CDC42BPA: variants seen among roughly 807,000 people sequenced by gnomAD.
CDC42BPA encodes CDC42 binding protein kinase alpha.
Under a neutral mutation model 223.5 loss-of-function variants are expected in CDC42BPA, and 80 were observed. The ratio of observed to expected loss-of-function variants is 0.36; its 90% CI spans 0.30 to 0.43. The LOEUF (loss-of-function observed/expected upper bound fraction) is 0.43. CDC42BPA is among the 20% of genes least tolerant of loss of function. CDC42BPA has a pLI of 1.00. For synonymous variants in CDC42BPA, 694 were observed against 718.6 expected, an observed-to-expected ratio of 0.97 and a Z score of 0.55; for missense variants, 1,743 against 2,099.9, an observed-to-expected ratio of 0.83 and a Z score of 3.32.
chr1:227,120,671 T>C (rs1036530593), intron 11 of CDC42BPA, among the ~76,000 whole-genome samples: 10 of 152,190 alleles, frequency 6.6e-5, no homozygotes, highest in African/African-American at 1.4e-4. Flanking sequence ...ATGTAATAAA[T>C]TGATAGGAAA....
chr1:227,299,646 ATT>A (rs1401961893), intron 1 of CDC42BPA, among the ~76,000 whole-genome samples: 6 of 152,052 alleles, frequency 3.9e-5, no homozygotes, highest in Non-Finnish European at 8.8e-5. Context: ...TATTATGTAA[ATT>A]TTTTATGGCT....
At chr1:227,203,562 T>TA (rs879798757) in intron 3 of CDC42BPA, among the ~76,000 whole-genome samples, 143 of 152,002 alleles carry the variant, frequency 9.4e-4, no homozygotes, top group Non-Finnish European at 1.7e-3. Context: ...TTACCTTTTT[T>TA]AAAAAAAACT....
chr1:227,028,648 G>C lies in CDC42BPA; in HGVS notation c.4432+9C>G, dbSNP rs761015108. On this transcript the variant is annotated intron_variant, in intron 30 of 36. Transcript: ENST00000366766. ...AAAGATAAGACAGCCGTAAGAAAGA[G>C]AATCTTACAACAAGAGGAAGGATTT... 6.6e-7 allele frequency: 1 copy of C among 1,507,140 alleles called. No homozygotes were observed. The highest frequency in any genetic ancestry group is 9.0e-7 in the Non-Finnish European group (1 of 1,111,778). 93.4% of individuals were successfully genotyped at this position (1,507,140 alleles called of 1,614,324 possible). A position where few individuals can be genotyped will look rare whatever the true frequency, so the allele number is the denominator to read the frequency against.
intron 16 of CDC42BPA, among the ~76,000 whole-genome samples, chr1:227,082,393 CCTTT>C (rs996951281): frequency 8.6e-5 from 13 of 151,856 alleles, no homozygotes; most frequent in African/African-American, 3.1e-4. Flanking sequence ...CCCTGCAACA[CCTTT>C]ATTTTTCTTT....
At chr1:227,288,417 G>A (rs749452865) in intron 1 of CDC42BPA, among the ~76,000 whole-genome samples, 13 of 151,900 alleles carry the variant, frequency 8.6e-5, no homozygotes, top group African/African-American at 2.4e-4. Flanking sequence ...AAATGATATC[G>A]GCCAGGTGCA....
chr1:227,143,065 T>C (rs1558599691), intron 8 of CDC42BPA, 41 bp from the exon 9 acceptor site: 10 of 1,259,866 alleles, frequency 7.9e-6, no homozygotes, highest in Non-Finnish European at 1.1e-5. Context: ...TAGATAGCTA[T>C]ATGATCTGTA....
rs76464800 is a variant in CDC42BPA at position 227,137,327 on chromosome 1, T to A, written c.1390+2249A>T. Among the ~76,000 whole-genome samples the A allele has an allele frequency of 1.5e-3, 235 of 152,232 alleles. 2 individuals are homozygous for A. The East Asian group carries it at 0.038, about 24-fold the overall frequency. On this transcript the variant is annotated intron_variant, in intron 10 of 36. Transcript: ENST00000366766. ...AATCATGGCAGAACATCACTATACTTCTACCAGAATGGCTACAAGTGAAAA... is the reference window on the plus strand; with the variant it reads ...AATCATGGCAGAACATCACTATACTACTACCAGAATGGCTACAAGTGAAAA...
intron 21 of CDC42BPA, among the ~76,000 whole-genome samples, chr1:227,065,866 A>T (rs951985370): frequency 2.6e-5 from 4 of 152,222 alleles, no homozygotes; most frequent in Admixed American, 2.0e-4. Flanking sequence ...CTGCAATTCT[A>T]GTCAATACTA....
intron 12 of CDC42BPA, among the ~76,000 whole-genome samples, chr1:227,114,991 C>T (rs993714102): frequency 6.6e-6 from 1 of 152,014 alleles, no homozygotes; most frequent in Non-Finnish European, 1.5e-5. Context: ...ATGTCAACAA[C>T]AACAACAACA....
chr1:227,034,904 A>G (rs1430358498), intron 25 of CDC42BPA, 110 bp from the exon 26 acceptor site: 5 of 956,702 alleles, frequency 5.2e-6, no homozygotes, highest in African/African-American at 3.3e-5. Context: ...TACACGTTTT[A>G]TAAGTCTGCC....
At chr1:227,184,845 A>G (rs1266060014) in intron 5 of CDC42BPA, among the ~76,000 whole-genome samples, 14 of 152,172 alleles carry the variant, frequency 9.2e-5, no homozygotes. Flanking sequence ...AGCATTTCAA[A>G]TCTACTAGCC....
At chr1:227,019,071 A>G (rs1666875990) in intron 32 of CDC42BPA, among the ~76,000 whole-genome samples, 1 of 152,202 alleles carries the variant, frequency 6.6e-6, no homozygotes, top group African/African-American at 2.4e-5. Context: ...CCATAGCATA[A>G]TGATGCTGTT....
At chr1:227,004,601 G>C in intron 35 of CDC42BPA, 1 of 244,448 alleles carries the variant, frequency 4.1e-6, no homozygotes, top group Non-Finnish European at 8.3e-6. Context: ...CCTTCTTTCA[G>C]TTAACCAAAC....
intron 1 of CDC42BPA, among the ~76,000 whole-genome samples, chr1:227,260,557 GAA>G (rs1280516800): frequency 1.3e-5 from 1 of 77,718 alleles, no homozygotes. Flanking sequence ...CATGGTGTCA[GAA>G]AGAAAGTGTC....
chr1:227,179,635 C>CAAAAAAAAAAAAAAAAAAAAAAAAAAAAA, intron 5 of CDC42BPA, among the ~76,000 whole-genome samples: 1 of 34,242 alleles, frequency 2.9e-5, no homozygotes, highest in African/African-American at 1.1e-4. Context: ...GCCTCCATCT[C>CAAAAAAAAAAAAAAAAAAAAAAAAAAAAA]AAAAAAAAAA....
At chr1:227,310,379 TCCCAAAAGAGAAGCAA>T (rs1693294473) in intron 1 of CDC42BPA, among the ~76,000 whole-genome samples, 1 of 151,942 alleles carries the variant, frequency 6.6e-6, no homozygotes, top group Non-Finnish European at 1.5e-5. Context: ...GAGGCCCTAA[TCCCAAAAGAGAAGCAA>T]ACAGTTCCAT....
At chr1:227,275,504 A>G (rs1313849452) in intron 1 of CDC42BPA, among the ~76,000 whole-genome samples, 4 of 144,718 alleles carry the variant, frequency 2.8e-5, no homozygotes, top group African/African-American at 1.0e-4. Flanking sequence ...AAAAATTCAC[A>G]AGATTGATAA....
intron 2 of CDC42BPA, chr1:227,234,832 G>C (rs1325096851): frequency 6.6e-6 from 1 of 152,178 alleles, no homozygotes; most frequent in African/African-American, 2.4e-5. Flanking sequence ...TGGCCCACAG[G>C]CCGCATGTGG....
At chr1:227,137,747 G>C (rs1293939124) in intron 10 of CDC42BPA, among the ~76,000 whole-genome samples, 1 of 151,176 alleles carries the variant, frequency 6.6e-6, no homozygotes, top group African/African-American at 2.4e-5. Flanking sequence ...AGTGAAAGAT[G>C]CCATACACAA....
Sources: gnomAD v4.1 joint callset for allele counts (sites outside exome capture counted in the v4.1 genomes callset) on GRCh38, gnomAD v4.1.1 for gene constraint, MANE v1.5 for transcripts, NCBI Gene and HGNC (gene_info 2026-07-23, HGNC 2026-07-21) for gene names.